AGFG1: variants seen among roughly 807,000 people sequenced by gnomAD.
The protein encoded by AGFG1 is ArfGAP with FG repeats 1, also known as arf-GAP domain and FG repeat-containing protein 1.
Under a neutral mutation model 60.6 loss-of-function variants are expected in AGFG1, and 10 were observed. The observed-to-expected ratio is 0.16, with a 90% CI of 0.10 to 0.28. AGFG1 has a LOEUF of 0.28. Among genes scored for constraint, AGFG1 ranks in the 10% least tolerant of loss-of-function variants. The pLI, the probability that AGFG1 is intolerant of heterozygous loss-of-function variation, is 1.00. For synonymous variants in AGFG1, 247 were observed against 242.9 expected (o/e 1.02, Z -0.16); for missense variants, 537 against 676.5 (o/e 0.79, Z 2.29).
At position 227,531,113 on chromosome 2, in the gene AGFG1, T is replaced by C. The variant is rs1182620059; in HGVS notation, c.717T>C (p.Asp239=). The C allele has an allele frequency of 1.2e-6, 2 of 1,612,996 alleles. No individual in the cohort carries two copies. The highest frequency in any genetic ancestry group is 1.7e-6 in the Non-Finnish European group (2 of 1,179,350). ...CAGCTCAGAATTCTGCAAATGCAGA[T>C]TTTGCAAACTTTGATGCATTTGGAC... The part of the protein sequence containing the change: ...SHAAQNSANA[D]FANFDAFGQS... The change falls in exon 6 of 13, where the codon GAT becomes GAC. Residue 239 remains aspartate, a synonymous_variant. Coordinates refer to ENST00000310078, the MANE Select transcript of AGFG1 (RefSeq NM_004504.5).
At chr2:227,509,261 A>T (rs1691423778) in intron 2 of AGFG1, among the ~76,000 whole-genome samples, 1 of 152,164 alleles carries the variant, frequency 6.6e-6, no homozygotes, top group South Asian at 2.1e-4. Flanking sequence ...ACGTAACTTT[A>T]ATTTAATCAT....
At chr2:227,531,478 C>T (rs1423253587) in intron 6 of AGFG1, among the ~76,000 whole-genome samples, 1 of 150,352 alleles carries the variant, frequency 6.7e-6, no homozygotes, top group Non-Finnish European at 1.5e-5. Flanking sequence ...ACCATGCACA[C>T]AGGACAGAGG....
At chr2:227,523,465 A>T (rs982030113) in intron 3 of AGFG1, among the ~76,000 whole-genome samples, 1 of 152,150 alleles carries the variant, frequency 6.6e-6, no homozygotes, top group Non-Finnish European at 1.5e-5. Flanking sequence ...TCCTCTGTTT[A>T]AAAAAAGCAG....
chr2:227,527,287 G>A (rs984337386), intron 5 of AGFG1, among the ~76,000 whole-genome samples: 2 of 151,908 alleles, frequency 1.3e-5, no homozygotes, highest in Non-Finnish European at 2.9e-5. Flanking sequence ...GCATTTAAGT[G>A]GTTTACCATC....
At chr2:227,549,290 G>A (rs1402729313) in intron 10 of AGFG1, among the ~76,000 whole-genome samples, 2 of 152,078 alleles carry the variant, frequency 1.3e-5, no homozygotes, top group African/African-American at 4.8e-5. Context: ...AATTTAAAAA[G>A]TATTCTAATT....
intron 5 of AGFG1, among the ~76,000 whole-genome samples, chr2:227,526,687 C>T (rs915803958): frequency 2.7e-5 from 4 of 150,194 alleles, no homozygotes; most frequent in African/African-American, 4.9e-5. Flanking sequence ...GGATCACAGG[C>T]GCCCGCCACC....
In AGFG1 at chr2:227,558,969, G is replaced by T. The variant is rs1559208319; in HGVS notation, c.*4474G>T. The stretch of plus-strand genomic sequence containing the variant: ...ATTTGATGATTATATCCAGTATTTG[G>T]AGAGCTTTTATATTGTTAATTCATT... On this transcript the variant is annotated 3_prime_UTR_variant, in exon 13 of 13. Transcript: ENST00000310078. 1 of 152,166 alleles carries T rather than the reference G, an allele frequency of 6.6e-6. No individual in the cohort carries two copies. The highest frequency in any genetic ancestry group is 1.5e-5 in the Non-Finnish European group (1 of 68,018). The allele number at this position is 152,166 out of a possible 1,614,324, so 9.4% of individuals were successfully genotyped here.
At chr2:227,540,151 G>T (rs1006547451) in intron 10 of AGFG1, among the ~76,000 whole-genome samples, 2 of 150,162 alleles carry the variant, frequency 1.3e-5, no homozygotes, top group Non-Finnish European at 3.0e-5. Context: ...TTAAAATGAT[G>T]TTTAAATAAT....
intron 3 of AGFG1, among the ~76,000 whole-genome samples, chr2:227,522,963 G>T (rs1314180654): frequency 6.6e-6 from 1 of 152,118 alleles, no homozygotes; most frequent in African/African-American, 2.4e-5. Context: ...TATGAGTATT[G>T]TATTATCGTA....
rs1386075387 is a variant in AGFG1 at position 227,558,873 on chromosome 2, G to C, written c.*4378G>C. On this transcript the variant is annotated 3_prime_UTR_variant, in exon 13 of 13. Transcript: ENST00000310078. ...GATAGCCAACCAGTGGCTTTCCCAA[G>C]CCTTGGCAAACCAGCTTCAGCACAG... 6.6e-6 allele frequency: 1 copy of C among 152,166 alleles called. No individual in the cohort carries two copies. The allele number at this position is 152,166 out of a possible 1,614,324, so 9.4% of individuals were successfully genotyped here.
chr2:227,473,471 T>C (rs1690183668), intron 1 of AGFG1, among the ~76,000 whole-genome samples: 1 of 152,178 alleles, frequency 6.6e-6, no homozygotes, highest in African/African-American at 2.4e-5. Flanking sequence ...TGAGGAGAGC[T>C]AGCAAGTCAC....
At chr2:227,483,653 A>G (rs1264610005) in intron 1 of AGFG1, among the ~76,000 whole-genome samples, 1 of 152,190 alleles carries the variant, frequency 6.6e-6, no homozygotes, top group Non-Finnish European at 1.5e-5. Context: ...GTTTATCTTA[A>G]TAGTTTGTTC....
In AGFG1 at chr2:227,536,703, A is replaced by G. The variant is rs201878383; in HGVS notation, c.1284A>G (p.Gly428=). ...CATCAAGTGTGCCTGCTCCATTTGGAGGTATGTGCTTCTGGTATATACACT... is the reference window on the plus strand; with the variant it reads ...CATCAAGTGTGCCTGCTCCATTTGGGGGTATGTGCTTCTGGTATATACACT... ...PASSSVPAPF[G]ATPSTNPFVA... Residue 428 remains glycine, a splice_region_variant and synonymous_variant, in exon 9 of 13, where the codon GGA becomes GGG. Transcript: ENST00000310078. 3 of 1,613,496 alleles carry G rather than the reference A, an allele frequency of 1.9e-6. No individual in the cohort carries two copies. The highest frequency in any genetic ancestry group is 1.7e-5 in the Admixed American group (1 of 59,964).
intron 5 of AGFG1, among the ~76,000 whole-genome samples, chr2:227,528,292 A>G (rs1692056290): frequency 6.6e-6 from 1 of 152,120 alleles, no homozygotes; most frequent in Non-Finnish European, 1.5e-5. Context: ...TTTTCAGGAA[A>G]GGTTGTACTG....
chr2:227,535,458 A>G (rs1210613402), intron 8 of AGFG1, among the ~76,000 whole-genome samples: 3 of 152,330 alleles, frequency 2.0e-5, no homozygotes, highest in African/African-American at 4.8e-5. Flanking sequence ...CCCAAAATCA[A>G]TTCTGTATCT....
intron 2 of AGFG1, among the ~76,000 whole-genome samples, chr2:227,500,156 A>G (rs1176233824): frequency 6.6e-6 from 1 of 152,146 alleles, no homozygotes; most frequent in Non-Finnish European, 1.5e-5. Context: ...GGAATTGGTA[A>G]TGATGTTTAA....
chr2:227,539,252 G>T (rs1431949504), intron 10 of AGFG1, among the ~76,000 whole-genome samples: 1 of 152,054 alleles, frequency 6.6e-6, no homozygotes, highest in African/African-American at 2.4e-5. Flanking sequence ...AGACCAGCCT[G>T]GCCAACATGG....
At chr2:227,485,403 ATTTT>A (rs10718894) in intron 1 of AGFG1, among the ~76,000 whole-genome samples, 3 of 135,406 alleles carry the variant, frequency 2.2e-5, no homozygotes, top group Admixed American at 7.4e-5. Flanking sequence ...TGCCCAGCTA[ATTTT>A]TTTTTTTTTT....
chr2:227,523,599 G>GTCGT (rs1691887573), intron 3 of AGFG1, among the ~76,000 whole-genome samples, 164 bp from the exon 4 acceptor site: 1 of 152,142 alleles, frequency 6.6e-6, no homozygotes, highest in African/African-American at 2.4e-5. Flanking sequence ...GTCTTAAGCT[G>GTCGT]TCGTTCCTTT....
Sources: allele counts gnomAD v4.1 joint callset (sites outside exome capture counted in the v4.1 genomes callset), GRCh38; gene constraint gnomAD v4.1.1; transcripts MANE v1.5; gene names NCBI Gene and HGNC (gene_info 2026-07-23, HGNC 2026-07-21).